The following PTCHD4 variants were observed in gnomAD, a reference collection of about 807,000 sequenced individuals.
PTCHD4 encodes patched domain containing 4.
A neutral mutation model predicts 58.1 loss-of-function variants in PTCHD4; 33 were observed. That is an observed-to-expected ratio of 0.57 (90% CI 0.43 to 0.76). The LOEUF is 0.76. Ranked by LOEUF, PTCHD4 falls within the 30% of genes least tolerant of loss-of-function variation. PTCHD4 has a pLI of 0.00. For synonymous variants in PTCHD4, 478 were observed against 409.6 expected, an observed-to-expected ratio of 1.17 and a Z score of -2.02; for missense variants, 1,058 against 1,027.1, an observed-to-expected ratio of 1.03 and a Z score of -0.41.
Position 47,942,689 on chromosome 6 carries a change from A to G in PTCHD4, c.899-62753T>C, listed in dbSNP as rs190099080. Among the ~76,000 whole-genome samples, 4 of 152,356 alleles carry G rather than the reference A, an allele frequency of 2.6e-5. No homozygotes were observed. The East Asian group carries it at 7.7e-4, about 29-fold the overall frequency. ...AACCAGATCTCCTCATACTGTAGCA[A>G]CCTCATGTTTGACATTCTATGCTTT... is the stretch of plus-strand genomic sequence containing the variant. On this transcript the variant is annotated intron_variant, in intron 4 of 4. Transcript: ENST00000339488.
rs986873560 is a variant in PTCHD4, at chr6:47,979,592, A to G, written c.898+29042T>C. ...AACATGTAGGAAAAATTAAGCTCTT[A>G]AATGACAGAAATTTGCTGATTATTT... On this transcript the variant is annotated intron_variant, in intron 4 of 4. Transcript: ENST00000339488. Among the ~76,000 whole-genome samples, 13 of 152,188 alleles carry G rather than the reference A, an allele frequency of 8.5e-5. No individual in the cohort carries two copies. The South Asian group carries it at 2.5e-3, about 29-fold the overall frequency.
chr6:48,007,928 G>GCA (rs1491390629), intron 4 of PTCHD4, among the ~76,000 whole-genome samples: 21 of 39,996 alleles, frequency 5.3e-4, no homozygotes, highest in African/African-American at 2.6e-3. Flanking sequence ...AAGAATATGT[G>GCA]CGCGCGCGCA....
intron 4 of PTCHD4, among the ~76,000 whole-genome samples, chr6:47,886,943 A>C (rs1171633596): frequency 2.0e-5 from 3 of 152,308 alleles, no homozygotes; most frequent in Admixed American, 6.5e-5. Context: ...TACTTACTAT[A>C]CGCTAGACTG....
At chr6:47,986,906 G>A (rs982792688) in intron 4 of PTCHD4, among the ~76,000 whole-genome samples, 4 of 152,092 alleles carry the variant, frequency 2.6e-5, no homozygotes, top group African/African-American at 9.7e-5. Context: ...GATATCACAC[G>A]CAACAGTGGT....
chr6:48,068,829 G>A lies in PTCHD4; in HGVS notation c.5+124C>T. 2 of 550,502 alleles carry A rather than the reference G, an allele frequency of 3.6e-6. No homozygotes were observed. Among genetic ancestry groups the A allele is most frequent in the East Asian group, 3.2e-5 (1 of 31,702 alleles). 34.1% of individuals were successfully genotyped at this position (550,502 alleles called of 1,614,324 possible). A position where few individuals can be genotyped will look rare whatever the true frequency, so the allele number is the denominator to read the frequency against. ...CGCTCCTACTACTCTTTCAAACACT[G>A]CAGCAAGTTGCAGCAAGGCGGGCAA... On this transcript the variant is annotated intron_variant, in intron 2 of 4. Transcript: ENST00000339488. The surrounding 1 kb of genome is among the most constrained non-coding windows in gnomAD (Gnocchi z 4.2).
intron 4 of PTCHD4, among the ~76,000 whole-genome samples, chr6:47,922,884 A>G (rs1284930769): frequency 6.6e-6 from 1 of 152,182 alleles, no homozygotes; most frequent in Non-Finnish European, 1.5e-5. Context: ...GCTCAGTCCT[A>G]CTGGGATTCC....
chr6:48,058,670 A>G (rs758545570), intron 3 of PTCHD4, among the ~76,000 whole-genome samples: 2 of 152,252 alleles, frequency 1.3e-5, no homozygotes, highest in Non-Finnish European at 2.9e-5. Context: ...CCAAGAGGGA[A>G]GAAAGTGGTC....
At chr6:47,993,256 C>T (rs574188246) in intron 4 of PTCHD4, among the ~76,000 whole-genome samples, 32 of 152,246 alleles carry the variant, frequency 2.1e-4, no homozygotes, top group African/African-American at 7.7e-4. Context: ...GAGAGCATAA[C>T]CTCTTTTAAT....
intron 4 of PTCHD4, chr6:47,901,302 A>T: frequency 3.1e-6 from 1 of 322,304 alleles, no homozygotes; most frequent in Non-Finnish European, 4.5e-6. Context: ...ATTAACCTGT[A>T]GTTTTCCTTC....
intron 4 of PTCHD4, among the ~76,000 whole-genome samples, chr6:47,950,906 A>G (rs777255757): frequency 1.3e-5 from 2 of 152,204 alleles, no homozygotes; most frequent in African/African-American, 4.8e-5. Flanking sequence ...CTGGAGGTCA[A>G]ATTAAGAATG....
intron 4 of PTCHD4, among the ~76,000 whole-genome samples, chr6:47,914,740 T>G (rs534072363): frequency 1.6e-4 from 23 of 146,174 alleles, no homozygotes; most frequent in Non-Finnish European, 3.0e-4. Flanking sequence ...CTATTATCTA[T>G]CTATTATCTA....
rs1764858436 is a variant in PTCHD4 at position 48,068,042 on chromosome 6, C to T, written c.417+188G>A. ...TGCCTCTTTAATTGGCAGAAGCATG[C>T]AGAAGGAGCATACCTTTAATTTAGT... On this transcript the variant is annotated intron_variant, in intron 3 of 4. Coordinates refer to ENST00000339488, the MANE Select transcript of PTCHD4 (RefSeq NM_001384253.1). This position sits in a 1 kb window ranked among gnomAD's most constrained non-coding sequence, Gnocchi z 4.2. 6.6e-6 allele frequency among the ~76,000 whole-genome samples: 1 copy of T among 152,102 alleles called. No individual in the cohort carries two copies. Among genetic ancestry groups the T allele is most frequent in the Non-Finnish European group, 1.5e-5 (1 of 68,024 alleles).
chr6:47,924,155 G>A (rs372616056), intron 4 of PTCHD4, among the ~76,000 whole-genome samples: 6 of 152,106 alleles, frequency 3.9e-5, no homozygotes, highest in African/African-American at 1.4e-4. Context: ...TGGTTCTTGT[G>A]AGCCTCCCCC....
intron 3 of PTCHD4, among the ~76,000 whole-genome samples, chr6:48,061,346 C>T (rs1562033055): frequency 6.6e-6 from 1 of 152,158 alleles, no homozygotes; most frequent in Admixed American, 6.5e-5. Flanking sequence ...CAATATAGAA[C>T]AGCCTCTTGA....
At chr6:47,904,226 C>T (rs1003286248) in intron 4 of PTCHD4, among the ~76,000 whole-genome samples, 1 of 152,156 alleles carries the variant, frequency 6.6e-6, no homozygotes, top group African/African-American at 2.4e-5. Flanking sequence ...GAATAGAAGA[C>T]AGGGATAAAA....
chr6:48,081,789 TAGTC>T (rs1328392800), intron 1 of PTCHD4, among the ~76,000 whole-genome samples: 2 of 152,176 alleles, frequency 1.3e-5, no homozygotes, highest in Non-Finnish European at 2.9e-5. Context: ...AAATTTATGA[TAGTC>T]AGCAGAGAAA....
chr6:47,939,873 C>T (rs543680696), intron 4 of PTCHD4, among the ~76,000 whole-genome samples: 26 of 152,104 alleles, frequency 1.7e-4, no homozygotes, highest in Admixed American at 1.6e-3. Context: ...TCCTGAAGCC[C>T]CCTATGTTGC....
At chr6:48,029,892 G>C (rs932499062) in intron 3 of PTCHD4, among the ~76,000 whole-genome samples, 2 of 152,058 alleles carry the variant, frequency 1.3e-5, no homozygotes, top group African/African-American at 4.8e-5. Context: ...CCCTTGAAAA[G>C]CCAAGGTAGT....
chr6:48,031,287 C>T (rs1478898039), intron 3 of PTCHD4, among the ~76,000 whole-genome samples: 1 of 152,032 alleles, frequency 6.6e-6, no homozygotes, highest in Non-Finnish European at 1.5e-5. Flanking sequence ...CCAGAAGCCC[C>T]CTTATCCCTA....
Sources: allele counts gnomAD v4.1 joint callset (sites outside exome capture counted in the v4.1 genomes callset), GRCh38; gene constraint gnomAD v4.1.1; non-coding constraint Gnocchi (gnomAD v3.1); transcripts MANE v1.5; gene names NCBI Gene and HGNC (gene_info 2026-07-23, HGNC 2026-07-21).